Variants in ANKRD30B observed in about 807,000 individuals in gnomAD.
ANKRD30B encodes ankyrin repeat domain-containing protein 30B.
In ANKRD30B, 144 loss-of-function variants were observed where a neutral mutation model predicts 202.2. The observed-to-expected ratio is 0.71, with a 90% CI of 0.62 to 0.82. The LOEUF (loss-of-function observed/expected upper bound fraction) is 0.82. Among genes scored for constraint, ANKRD30B ranks in the 40% least tolerant of loss-of-function variants. ANKRD30B has a pLI of 0.00. For synonymous variants in ANKRD30B, 508 were observed against 561.3 expected (o/e 0.91, Z 1.34); for missense variants, 1,487 against 1,669.1 (o/e 0.89, Z 1.90).
chr18:14,843,389 C>T (rs1471453068), intron 39 of ANKRD30B, among the ~76,000 whole-genome samples: 2 of 152,080 alleles, frequency 1.3e-5, no homozygotes, highest in African/African-American at 4.8e-5. Context: ...TATTTTTAAA[C>T]TCTAATATTT....
intron 14 of ANKRD30B, 81 bp from the exon 15 acceptor site, chr18:14,786,958 T>A (rs947203265): frequency 7.2e-7 from 1 of 1,380,356 alleles, no homozygotes; most frequent in Non-Finnish European, 9.9e-7. Flanking sequence ...GATTCGTGAA[T>A]GAAAGTAGAC....
At position 14,795,870 on chromosome 18, in the gene ANKRD30B, C is replaced by T. The variant is rs35359909; in HGVS notation, c.1826-351C>T. Among the ~76,000 whole-genome samples the T allele has an allele frequency of 9.6e-3, 1,408 of 146,676 alleles. 13 individuals carry two copies. Among genetic ancestry groups the T allele is most frequent in the Non-Finnish European group, 0.013 (858 of 66,918 alleles). Reference sequence around the variant, plus strand: ...TAGGACTTATTTTTTTTTTTTTTGGCGGTGGGTCATGACTTGGTCATCTTA... The same window carrying T: ...TAGGACTTATTTTTTTTTTTTTTGGTGGTGGGTCATGACTTGGTCATCTTA... On this transcript the variant is annotated intron_variant, in intron 16 of 43. Coordinates refer to ENST00000690538, the MANE Select transcript of ANKRD30B (RefSeq NM_001367607.2).
intron 22 of ANKRD30B, among the ~76,000 whole-genome samples, chr18:14,800,225 T>A (rs1486582085): frequency 2.0e-5 from 3 of 150,640 alleles, no homozygotes; most frequent in Non-Finnish European, 2.9e-5. Flanking sequence ...AGACTCCATC[T>A]CAAAAAGCAA....
intron 1 of ANKRD30B, 92 bp from the exon 2 acceptor site, chr18:14,752,474 A>T: frequency 1.2e-6 from 1 of 866,560 alleles, no homozygotes; most frequent in Non-Finnish European, 1.7e-6. Flanking sequence ...GTAGAGAAAG[A>T]GCATGGTATT....
downstream of ANKRD30B, among the ~76,000 whole-genome samples, chr18:14,859,069 C>T (rs1170461632): frequency 2.3e-4 from 28 of 122,412 alleles, 1 homozygote; most frequent in South Asian, 5.0e-4. Flanking sequence ...ATGGGGTGGC[C>T]GGGCAGAGGC....
At chr18:14,921,427 G>C in the ANKRD30B span, among the ~76,000 whole-genome samples, 1 of 152,182 alleles carries the variant, frequency 6.6e-6, no homozygotes, top group Non-Finnish European at 1.5e-5. Context: ...ATAATTGCCT[G>C]TTGTGGTGCA....
intron 5 of ANKRD30B, 132 bp from the exon 6 acceptor site, chr18:14,760,422 T>C: frequency 1.8e-6 from 1 of 546,162 alleles, no homozygotes; most frequent in Non-Finnish European, 3.2e-6. Flanking sequence ...AAACTTAAAG[T>C]CTGTGAAATA....
At chr18:14,847,720 C>T (rs544989489) in intron 39 of ANKRD30B, among the ~76,000 whole-genome samples, 150 of 151,590 alleles carry the variant, frequency 9.9e-4, no homozygotes, top group African/African-American at 3.5e-3. Flanking sequence ...TGAGCTGACT[C>T]CCCACACCTG....
the ANKRD30B span, among the ~76,000 whole-genome samples, chr18:14,874,540 A>C: frequency 6.6e-6 from 1 of 152,178 alleles, no homozygotes; most frequent in Non-Finnish European, 1.5e-5. Context: ...TAGATATTTA[A>C]TTAAAGTTTT....
intron 12 of ANKRD30B, among the ~76,000 whole-genome samples, chr18:14,783,503 A>T (rs1000586264): frequency 8.5e-5 from 13 of 152,240 alleles, no homozygotes; most frequent in African/African-American, 2.9e-4. Context: ...GTTTTGGTAA[A>T]ATTGCCATTC....
chr18:14,916,742 A>G, the ANKRD30B span, among the ~76,000 whole-genome samples: 1 of 152,196 alleles, frequency 6.6e-6, no homozygotes, highest in Non-Finnish European at 1.5e-5. Context: ...TCAATATGTA[A>G]TGTGAAGGCC....
the ANKRD30B span, among the ~76,000 whole-genome samples, chr18:14,923,495 C>A: frequency 1.3e-5 from 2 of 152,034 alleles, no homozygotes; most frequent in Non-Finnish European, 2.9e-5. Context: ...GTAGAATGGA[C>A]CACCAAGAAC....
At chr18:14,858,635 A>T (rs1209138400), downstream of ANKRD30B, among the ~76,000 whole-genome samples, 1 of 121,296 alleles carries the variant, frequency 8.2e-6, no homozygotes, top group Non-Finnish European at 1.7e-5. Flanking sequence ...GGCACTCCTC[A>T]CCTACCAGAC....
the ANKRD30B span, among the ~76,000 whole-genome samples, chr18:14,931,727 A>T: frequency 6.6e-6 from 1 of 152,134 alleles, no homozygotes; most frequent in Non-Finnish European, 1.5e-5. Context: ...TAGGCGAAGT[A>T]CAGCCCCTTT....
chr18:14,763,675 G>A lies in ANKRD30B; in HGVS notation c.821-11G>A. 1 of 1,612,926 alleles carries A rather than the reference G, an allele frequency of 6.2e-7. No homozygotes were observed. The highest frequency in any genetic ancestry group is 8.5e-7 in the Non-Finnish European group (1 of 1,179,584). On this transcript the variant is annotated splice_polypyrimidine_tract_variant and intron_variant, in intron 6 of 43. Coordinates refer to ENST00000690538, the MANE Select transcript of ANKRD30B (RefSeq NM_001367607.2). ...CAGAAAGAAAATTTAACCAGATTGT[G>A]TGTTTGGCAGAAGGAACATCTACAG...
At chr18:14,898,014 C>G in the ANKRD30B span, among the ~76,000 whole-genome samples, 2 of 152,144 alleles carry the variant, frequency 1.3e-5, no homozygotes, top group Non-Finnish European at 2.9e-5. Flanking sequence ...TCCTAATTCT[C>G]ATGTTTCACT....
chr18:14,757,806 T>C lies in ANKRD30B; in HGVS notation c.618-9T>C, dbSNP rs1175587789. On this transcript the variant is annotated splice_polypyrimidine_tract_variant and intron_variant, in intron 4 of 43. Transcript: ENST00000690538. ...CTGCTCATAATAAGTTATCTCTTTG[T>C]TATTTTAGCACAGCCCTCATGCTTG... 1 of 1,610,028 alleles carries C rather than the reference T, an allele frequency of 6.2e-7. No homozygotes were observed. The highest frequency in any genetic ancestry group is 8.5e-7 in the Non-Finnish European group (1 of 1,178,704).
intron 34 of ANKRD30B, among the ~76,000 whole-genome samples, chr18:14,835,167 TAAAAG>T (rs1032058961): frequency 1.1e-4 from 16 of 151,938 alleles, no homozygotes; most frequent in Admixed American, 7.9e-4. Context: ...ATCTGTCTCT[TAAAAG>T]AGAAGAATCA....
rs534386058 is a variant in ANKRD30B at position 14,772,044 on chromosome 18, G to A, written c.1257-112G>A. 19 of 539,598 alleles carry A rather than the reference G, an allele frequency of 3.5e-5. No individual in the cohort carries two copies. The South Asian group carries it at 8.0e-4, about 23-fold the overall frequency. The allele number at this position is 539,598 out of a possible 1,614,324, so 33.4% of individuals were successfully genotyped here. ...TATACAGAGGACTGGTCTTTCCCCA[G>A]ATTTTGTTTTTTGTTTTCATTTTAT... On this transcript the variant is annotated intron_variant, in intron 8 of 43. Coordinates refer to ENST00000690538, the MANE Select transcript of ANKRD30B (RefSeq NM_001367607.2).
Sources: gnomAD v4.1 joint callset for allele counts (sites outside exome capture counted in the v4.1 genomes callset) on GRCh38, gnomAD v4.1.1 for gene constraint, MANE v1.5 for transcripts, NCBI Gene and HGNC (gene_info 2026-07-23, HGNC 2026-07-21) for gene names.